CCDC33: variants seen among roughly 807,000 people sequenced by gnomAD.
CCDC33 encodes coiled-coil domain containing 33, also known as coiled-coil domain-containing protein 33.
In CCDC33, 94 loss-of-function variants were observed where a neutral mutation model predicts 91.9. The observed-to-expected ratio is 1.02, with a 90% CI of 0.87 to 1.21. CCDC33 has a LOEUF of 1.21. Ranked by LOEUF, CCDC33 falls within the 50% of genes most tolerant of loss-of-function variation. The pLI, the probability that CCDC33 is intolerant of heterozygous loss-of-function variation, is 0.00. For missense variants in CCDC33, 940 were observed against 935.5 expected, an observed-to-expected ratio of 1.00 and a Z score of -0.06; for synonymous variants, 396 against 374.5, an observed-to-expected ratio of 1.06 and a Z score of -0.66.
At chr15:74,276,880 T>C (rs1486247664) in intron 7 of CCDC33, among the ~76,000 whole-genome samples, 1 of 152,216 alleles carries the variant, frequency 6.6e-6, no homozygotes, top group Non-Finnish European at 1.5e-5. Context: ...TCAGAAGTCA[T>C]GGCTTTCTCC....
At chr15:74,230,089 G>A (rs1464726548) in intron 2 of CCDC33, among the ~76,000 whole-genome samples, 3 of 152,274 alleles carry the variant, frequency 2.0e-5, no homozygotes, top group African/African-American at 7.2e-5. Flanking sequence ...AGAGACCACT[G>A]CTCCTTCACA....
chr15:74,273,593 C>G (rs772844128), intron 7 of CCDC33, among the ~76,000 whole-genome samples: 1 of 151,674 alleles, frequency 6.6e-6, no homozygotes, highest in African/African-American at 2.4e-5. Flanking sequence ...CTCAGCCTCT[C>G]GAGTAGCTGG....
At chr15:74,268,766 G>T (rs1566984495) in intron 5 of CCDC33, among the ~76,000 whole-genome samples, 1 of 152,190 alleles carries the variant, frequency 6.6e-6, no homozygotes, top group Non-Finnish European at 1.5e-5. Context: ...CTGCAGTGGG[G>T]ACCAGAGCCT....
At chr15:74,211,080 G>C (rs2074360712) in intron 2 of CCDC33, among the ~76,000 whole-genome samples, 1 of 151,992 alleles carries the variant, frequency 6.6e-6, no homozygotes, top group Non-Finnish European at 1.5e-5. Context: ...GAGGCCACAT[G>C]ATGTGCCAGG....
At chr15:74,318,032 C>A (rs1166375267) in intron 11 of CCDC33, among the ~76,000 whole-genome samples, 1 of 151,574 alleles carries the variant, frequency 6.6e-6, no homozygotes, top group African/African-American at 2.4e-5. Context: ...AGGCGTGGGG[C>A]CCTAAGCCAC....
intron 2 of CCDC33, among the ~76,000 whole-genome samples, chr15:74,255,439 G>A (rs1017250479): frequency 6.6e-6 from 1 of 152,236 alleles, no homozygotes. Context: ...GGGAGGGCAG[G>A]CTGTGGCCTA....
intron 12 of CCDC33, 69 bp downstream of exon 12, chr15:74,330,423 G>T (rs942759056): frequency 2.9e-5 from 42 of 1,461,388 alleles, no homozygotes; most frequent in Middle Eastern, 5.0e-4. Context: ...TTGTGCAATA[G>T]GGTGGCTGGG....
intron 10 of CCDC33, among the ~76,000 whole-genome samples, chr15:74,287,754 A>C (rs1444702825): frequency 6.6e-6 from 1 of 152,102 alleles, no homozygotes; most frequent in Non-Finnish European, 1.5e-5. Context: ...ACACCACTGC[A>C]CTCCAGCCTG....
Position 74,244,026 on chromosome 15 carries a change from C to T in CCDC33, c.63C>T (p.Ser21=), listed in dbSNP as rs2075437174. The change falls in exon 2 of 19, where the codon AGC becomes AGT. Residue 21 remains serine (S), a synonymous_variant. Transcript: ENST00000398814. The surrounding 1 kb of genome is among the most constrained non-coding windows in gnomAD (Gnocchi z 4.2). ...DPEEPLIASQ[S]TEPEIGHLSP... ...AGGAGCCCCTGATCGCCTCCCAGAG[C>T]ACGGAACCTGAGATCGGTCACCTGT... 1 of 1,612,954 alleles carries T rather than the reference C, an allele frequency of 6.2e-7. No homozygotes were observed. The highest frequency in any genetic ancestry group is 8.5e-7 in the Non-Finnish European group (1 of 1,179,656).
chr15:74,333,335 G>C, intron 16 of CCDC33: 2 of 1,565,552 alleles, frequency 1.3e-6, no homozygotes, highest in Non-Finnish European at 1.7e-6. Context: ...GGGTGGCCCA[G>C]GGCCCAGAAA....
upstream of CCDC33, among the ~76,000 whole-genome samples, chr15:74,235,054 C>G (rs568563588): frequency 2.0e-5 from 3 of 152,316 alleles, no homozygotes; most frequent in Middle Eastern, 3.4e-3. Flanking sequence ...CCACTGAGAC[C>G]TTTCCACACA....
At chr15:74,272,541 C>T (rs998641092) in intron 6 of CCDC33, among the ~76,000 whole-genome samples, 66 of 152,218 alleles carry the variant, frequency 4.3e-4, no homozygotes, top group Non-Finnish European at 4.4e-5. Context: ...TCTGTATCTC[C>T]TGTTGAGTTT....
intron 11 of CCDC33, among the ~76,000 whole-genome samples, chr15:74,304,936 G>T (rs550496946): frequency 1.4e-3 from 189 of 137,292 alleles, no homozygotes; most frequent in Non-Finnish European, 2.5e-3. Flanking sequence ...ACCTGCTTCT[G>T]CTTCTTCTTC....
rs557795498 is a variant in CCDC33, at chr15:74,330,410, A to G, written c.1456+56A>G. The G allele has an allele frequency of 4.0e-6, 6 of 1,488,754 alleles. No individual in the cohort carries two copies. In the South Asian group the frequency reaches 8.1e-5, roughly 20 times the overall value. The allele number at this position is 1,488,754 out of a possible 1,614,324, so 92.2% of individuals were successfully genotyped here. On this transcript the variant is annotated intron_variant, in intron 12 of 18. Coordinates refer to ENST00000398814, the MANE Select transcript of CCDC33 (RefSeq NM_025055.5). The stretch of plus-strand genomic sequence containing the variant: ...GGGCTTCTGCCTGGGCCCAGGCTCC[A>G]GGTTGTGCAATAGGGTGGCTGGGAG...
At chr15:74,209,931 C>G (rs2074344959) in intron 2 of CCDC33, among the ~76,000 whole-genome samples, 1 of 152,122 alleles carries the variant, frequency 6.6e-6, no homozygotes, top group South Asian at 2.1e-4. Flanking sequence ...GGAGTGCCAT[C>G]TATAAAAAGG....
intron 11 of CCDC33, among the ~76,000 whole-genome samples, chr15:74,306,146 A>ATATG (rs1242308054): frequency 5.9e-5 from 9 of 152,140 alleles, no homozygotes; most frequent in Non-Finnish European, 1.2e-4. Context: ...CACCTCCAAG[A>ATATG]TATGTGACAG....
chr15:74,249,549 G>A (rs951377064), intron 2 of CCDC33, among the ~76,000 whole-genome samples: 1 of 152,022 alleles, frequency 6.6e-6, no homozygotes, highest in Admixed American at 6.6e-5. Context: ...GGATTGCAGT[G>A]CATTGTGGGC....
Position 74,275,678 on chromosome 15 carries a change from C to CT in CCDC33, c.759+2798dup, listed in dbSNP as rs551722321. On this transcript the variant is annotated intron_variant, in intron 7 of 18. Coordinates refer to ENST00000398814, the MANE Select transcript of CCDC33 (RefSeq NM_025055.5). ...GACCAGCAGATAAGAGGCAGCCTCTCTTTTTTTTTTTGCGACCAAGTCTCT... is the reference window on the plus strand; with the variant it reads ...GACCAGCAGATAAGAGGCAGCCTCTCTTTTTTTTTTTTGCGACCAAGTCTCT... 6.9e-3 allele frequency among the ~76,000 whole-genome samples: 1,006 copies of CT among 146,428 alleles called. 8 individuals are homozygous for CT. The highest frequency in any genetic ancestry group is 0.056 in the Middle Eastern group (16 of 284).
At chr15:74,267,934 T>A (rs1380590082) in intron 4 of CCDC33, among the ~76,000 whole-genome samples, 2 of 152,130 alleles carry the variant, frequency 1.3e-5, no homozygotes, top group Non-Finnish European at 2.9e-5. Context: ...TTAGGCCCCA[T>A]GAGGAACCCC....
Sources: allele counts gnomAD v4.1 joint callset (sites outside exome capture counted in the v4.1 genomes callset), GRCh38; gene constraint gnomAD v4.1.1; non-coding constraint Gnocchi (gnomAD v3.1); transcripts MANE v1.5; gene names NCBI Gene and HGNC (gene_info 2026-07-23, HGNC 2026-07-21).